SRPX2: variants seen among roughly 807,000 people sequenced by gnomAD.
SRPX2 encodes sushi repeat-containing protein SRPX2.
SRPX2 carries 26 observed loss-of-function variants against 45.3 expected under a neutral mutation model. The observed-to-expected ratio is 0.57, with a 90% CI of 0.42 to 0.80. The LOEUF (loss-of-function observed/expected upper bound fraction) is 0.80. Among genes scored for constraint, SRPX2 ranks in the 30% least tolerant of loss-of-function variants. The pLI is 0.00. For missense variants in SRPX2, 355 were observed against 399.8 expected, an observed-to-expected ratio of 0.89 and a Z score of 0.95; for synonymous variants, 125 against 143.7, an observed-to-expected ratio of 0.87 and a Z score of 0.93.
rs2147647591 is a variant in SRPX2 at position 100,662,337 on chromosome X, C to T, written c.325C>T (p.Arg109Cys). 1.7e-6 allele frequency: 2 copies of T among 1,211,437 alleles called. No individual in the cohort carries two copies. The highest frequency in any genetic ancestry group is 2.2e-6 in the Non-Finnish European group (2 of 895,581). ...GRRSVQCLPS[R>C]RWSGTAYCRQ... ...GAGGTCGGTGCAATGCCTGCCAAGCCGTCGTTGGTCTGGAACTGCCTACTG... is the reference window on the plus strand; with the variant it reads ...GAGGTCGGTGCAATGCCTGCCAAGCTGTCGTTGGTCTGGAACTGCCTACTG... Residue 109 changes from arginine to cysteine, a missense_variant, in exon 4 of 11, where the codon CGT (arginine) becomes TGT (cysteine). Transcript: ENST00000373004.
rs767750125 is a variant in SRPX2, at chrX:100,664,961, G to T, written c.532+11G>T. On this transcript the variant is annotated intron_variant, in intron 5 of 10. Transcript: ENST00000373004. ...AGCCTGTATGTGTAGGTAAATGCTG[G>T]TTGCTCCCAGTTGTCCTGGTGCAAA... is the stretch of plus-strand genomic sequence containing the variant. 1.2e-5 allele frequency: 15 copies of T among 1,206,275 alleles called. No homozygotes were observed. Among genetic ancestry groups the T allele is most frequent in the Middle Eastern group, 5.8e-4 (2 of 3,477 alleles).
At chrX:100,649,312 C>T (rs938118443) in intron 2 of SRPX2, 1 of 110,151 alleles carries the variant, frequency 9.1e-6, no homozygotes, top group Non-Finnish European at 1.9e-5. Context: ...ACCTATAAAG[C>T]TTTGAGGCTA....
At chrX:100,661,721 G>C (rs777267933) in intron 3 of SRPX2, among the ~76,000 whole-genome samples, 1 of 112,290 alleles carries the variant, frequency 8.9e-6, no homozygotes, top group East Asian at 2.8e-4. Context: ...AGTGAGCTGA[G>C]ATTACGCCAC....
At chrX:100,659,722 T>C (rs1328941428) in intron 3 of SRPX2, among the ~76,000 whole-genome samples, 6 of 110,083 alleles carry the variant, frequency 5.5e-5, no homozygotes, top group Non-Finnish European at 1.1e-4. Context: ...ATTCTCCAGT[T>C]GCACTCAGAA....
chrX:100,662,132 C>T (rs780109765), intron 3 of SRPX2, 44 bp from the exon 4 acceptor site: 12 of 1,183,090 alleles, frequency 1.0e-5, no homozygotes, highest in Non-Finnish European at 1.4e-5. Flanking sequence ...ACCACACTGT[C>T]TTGATTACTA....
rs113290649 is a variant in SRPX2, at chrX:100,663,988, C to T, written c.356-786C>T. Among the ~76,000 whole-genome samples the T allele has an allele frequency of 9.3e-3, 1,037 of 111,908 alleles. 12 individuals are homozygous for T. The highest frequency in any genetic ancestry group is 0.033 in the African/African-American group (1,001 of 30,786). Reference sequence around the variant, plus strand: ...CCTGGAGGAGAAAAGAAGCTTTGAACGTGCTCAAGGGCATCTAGCATTTGA... The same window carrying T: ...CCTGGAGGAGAAAAGAAGCTTTGAATGTGCTCAAGGGCATCTAGCATTTGA... On this transcript the variant is annotated intron_variant, in intron 4 of 10. Transcript: ENST00000373004.
intron 2 of SRPX2, among the ~76,000 whole-genome samples, chrX:100,648,518 C>T (rs994832318): frequency 9.0e-6 from 1 of 110,948 alleles, no homozygotes; most frequent in Admixed American, 9.6e-5. Flanking sequence ...TAATTTCATT[C>T]TTATACCCAT....
intron 10 of SRPX2, among the ~76,000 whole-genome samples, chrX:100,669,710 C>T (rs754152917): frequency 1.8e-5 from 2 of 109,192 alleles, no homozygotes; most frequent in South Asian, 8.1e-4. Context: ...AGATAAGCCC[C>T]TGCTCTTGTT....
At chrX:100,644,884 T>C (rs1482953886) in intron 1 of SRPX2, among the ~76,000 whole-genome samples, 1 of 111,347 alleles carries the variant, frequency 9.0e-6, no homozygotes, top group Non-Finnish European at 1.9e-5. Context: ...GGTCAGTGAT[T>C]AGTTATCTAA....
In SRPX2 at chrX:100,666,866, C is replaced by T. The variant is rs1404983278; in HGVS notation, c.894C>T (p.Arg298=). The change falls in exon 8 of 11, where the codon CGC becomes CGT. Residue 298 remains arginine, a synonymous_variant. Coordinates refer to ENST00000373004, the MANE Select transcript of SRPX2 (RefSeq NM_014467.3). ...ACCACTGTGATGGCGGTTATGATCGCCAGGGGACACCCTCCCGGGTCTGTC... is the reference window on the plus strand; with the variant it reads ...ACCACTGTGATGGCGGTTATGATCGTCAGGGGACACCCTCCCGGGTCTGTC... The part of the protein sequence containing the change: ...CEYHCDGGYD[R]QGTPSRVCQS... The T allele has an allele frequency of 8.3e-7, 1 of 1,211,618 alleles. No individual in the cohort carries two copies. The highest frequency in any genetic ancestry group is 1.8e-5 in the South Asian group (1 of 56,921).
In SRPX2 at chrX:100,662,383, G is replaced by A; in HGVS notation, c.355+16G>A. On this transcript the variant is annotated intron_variant, in intron 4 of 10. Transcript: ENST00000373004. ...TACTGCAGGCGTAAGTTGTGTGTGTGCATATGCTGATGTATGTATGCGAGA... is the reference window on the plus strand; with the variant it reads ...TACTGCAGGCGTAAGTTGTGTGTGTACATATGCTGATGTATGTATGCGAGA... 1 of 1,210,592 alleles carries A rather than the reference G, an allele frequency of 8.3e-7. No homozygotes were observed. Among genetic ancestry groups the A allele is most frequent in the Non-Finnish European group, 1.1e-6 (1 of 895,212 alleles).
chrX:100,666,697 A>C, intron 7 of SRPX2, 57 bp from the exon 8 acceptor site: 9 of 1,200,791 alleles, frequency 7.5e-6, no homozygotes, highest in Non-Finnish European at 1.0e-5. Flanking sequence ...GCACCCTCTT[A>C]GCCTTTCCTT....
chrX:100,659,332 G>A (rs756858480), intron 3 of SRPX2, among the ~76,000 whole-genome samples: 3 of 111,662 alleles, frequency 2.7e-5, no homozygotes, highest in Admixed American at 9.5e-5. Context: ...TTTCTGGGTC[G>A]GAAAATTTGA....
At position 100,650,863 on chromosome X, in the gene SRPX2, G is replaced by A. The variant is rs761225832; in HGVS notation, c.161G>A (p.Arg54Gln). The change falls in exon 3 of 11, where the codon CGA becomes CAA. Residue 54 changes from arginine (R) to glutamine (Q), a missense_variant and splice_region_variant. Arg to Gln is a conservative substitution (Grantham distance 43). Coordinates refer to ENST00000373004, the MANE Select transcript of SRPX2 (RefSeq NM_014467.3). ...CCACAGGCTCCTGCCCTGGACTACC[G>A]AGGTAATCTACCCTGCTTCTCAAGC... ...EVPQAPALDY[R>Q]VPRWCYTLNI... is the part of the protein sequence containing the mutation. 4.5e-5 allele frequency: 54 copies of A among 1,202,969 alleles called. No individual in the cohort carries two copies. In the East Asian group the frequency reaches 1.3e-3, roughly 29 times the overall value.
chrX:100,671,069 T>C lies in SRPX2; in HGVS notation c.*82T>C. 1 of 1,049,560 alleles carries C rather than the reference T, an allele frequency of 9.5e-7. No homozygotes were observed. The highest frequency in any genetic ancestry group is 2.6e-5 in the Admixed American group (1 of 38,750). The allele number at this position is 1,049,560 out of a possible 1,213,427, so 86.5% of individuals were successfully genotyped here. Reference sequence around the variant, plus strand: ...TGGGACCTAATAAAAGGAGGAAATGTTTTCCCACAGTTCTAGGGACAGGAC... The same window carrying C: ...TGGGACCTAATAAAAGGAGGAAATGCTTTCCCACAGTTCTAGGGACAGGAC... On this transcript the variant is annotated 3_prime_UTR_variant, in exon 11 of 11. Coordinates refer to ENST00000373004, the MANE Select transcript of SRPX2 (RefSeq NM_014467.3).
intron 3 of SRPX2, among the ~76,000 whole-genome samples, chrX:100,657,347 G>GTTTTTTTT (rs1569359823): frequency 2.6e-4 from 3 of 11,646 alleles, no homozygotes; most frequent in Non-Finnish European, 4.5e-4. Flanking sequence ...TGTTATTTAT[G>GTTTTTTTT]TCTTTTTTTT....
rs1032267084 is a variant in SRPX2 at position 100,662,070 on chromosome X, T to A, written c.164-106T>A. 1.1e-5 allele frequency: 9 copies of A among 817,125 alleles called. No individual in the cohort carries two copies. The Admixed American group carries it at 2.2e-4, about 20-fold the overall frequency. The allele number at this position is 817,125 out of a possible 1,213,427, so 67.3% of individuals were successfully genotyped here. ...TCATTTCAACACACCTGTGTGGGTT[T>A]ACTTCTGGGCTCTCTATTTTTTTCC... is the stretch of plus-strand genomic sequence containing the variant. On this transcript the variant is annotated intron_variant, in intron 3 of 10. Coordinates refer to ENST00000373004, the MANE Select transcript of SRPX2 (RefSeq NM_014467.3).
chrX:100,666,920 A>G lies in SRPX2; in HGVS notation c.948A>G (p.Pro316=), dbSNP rs1236993175. The G allele has an allele frequency of 8.3e-7, 1 of 1,209,575 alleles. No individual in the cohort carries two copies. The highest frequency in any genetic ancestry group is 3.0e-5 in the East Asian group (1 of 33,813). ...CQSSRQWSGS[P]PICAPMKINV... is the part of the protein sequence containing the mutation. ...CCAGCCGCCAGTGGTCAGGTTCACC[A>G]CCAATCTGTGCTCGTGAGTGAAACC... The change falls in exon 8 of 11, where the codon CCA becomes CCG. Residue 316 remains proline, a synonymous_variant. Transcript: ENST00000373004.
In SRPX2 at chrX:100,666,672, G is replaced by C. The variant is rs773653923; in HGVS notation, c.782-82G>C. Reference sequence around the variant, plus strand: ...TGATCATCCTAAGTCTTCTGATCTAGAAAGCCCAGCATGGGCACCCTCTTA... The same window carrying C: ...TGATCATCCTAAGTCTTCTGATCTACAAAGCCCAGCATGGGCACCCTCTTA... On this transcript the variant is annotated intron_variant, in intron 7 of 10. Coordinates refer to ENST00000373004, the MANE Select transcript of SRPX2 (RefSeq NM_014467.3). 14 of 1,153,400 alleles carry C rather than the reference G, an allele frequency of 1.2e-5. No homozygotes were observed. In the African/African-American group the frequency reaches 2.1e-4, roughly 18 times the overall value.
Sources: allele counts gnomAD v4.1 joint callset (sites outside exome capture counted in the v4.1 genomes callset), GRCh38; gene constraint gnomAD v4.1.1; transcripts MANE v1.5; gene names NCBI Gene and HGNC (gene_info 2026-07-23, HGNC 2026-07-21).